Variants in ALDH1L2 observed in about 807,000 individuals in gnomAD.
The protein encoded by ALDH1L2 is aldehyde dehydrogenase 1 family member L2.
ALDH1L2 carries 91 observed loss-of-function variants against 111.0 expected under a neutral mutation model. The ratio of observed to expected loss-of-function variants is 0.82; its 90% CI spans 0.69 to 0.98. ALDH1L2 has a LOEUF of 0.98. Ranked by LOEUF, ALDH1L2 falls within the 50% of genes least tolerant of loss-of-function variation. The pLI, the probability that ALDH1L2 is intolerant of heterozygous loss-of-function variation, is 0.00. For synonymous variants in ALDH1L2, 374 were observed against 392.6 expected (o/e 0.95, Z 0.56); for missense variants, 995 against 1,126.8 (o/e 0.88, Z 1.67).
rs374436467 is a variant in ALDH1L2 at position 105,030,287 on chromosome 12, GT to G, written c.2516+36del. 8 of 1,563,974 alleles carry G rather than the reference GT, an allele frequency of 5.1e-6. No homozygotes were observed. The African/African-American group carries it at 1.1e-4, about 21-fold the overall frequency. ...GCAAAGGGGAAAAATGACTTATCTAGTCAAAACCTAAGTTACATTGTGTCTG... is the reference window on the plus strand; with the variant it reads ...GCAAAGGGGAAAAATGACTTATCTAGCAAAACCTAAGTTACATTGTGTCTG... On this transcript the variant is annotated intron_variant, in intron 21 of 22. Coordinates refer to ENST00000258494, the MANE Select transcript of ALDH1L2 (RefSeq NM_001034173.4).
intron 16 of ALDH1L2, among the ~76,000 whole-genome samples, chr12:105,040,142 A>AAC (rs1555224681): frequency 2.6e-5 from 4 of 151,350 alleles, no homozygotes; most frequent in African/African-American, 9.7e-5. Flanking sequence ...AAAAAAAAAA[A>AAC]AAAAAAAAAA....
chr12:105,049,815 ATC>A (rs1322157604), intron 13 of ALDH1L2, 91 bp downstream of exon 13: 2 of 1,398,352 alleles, frequency 1.4e-6, no homozygotes, highest in African/African-American at 2.9e-5. Flanking sequence ...GTGTAAAAAA[ATC>A]TACATAAAAA....
intron 21 of ALDH1L2, among the ~76,000 whole-genome samples, chr12:105,029,608 A>G (rs879729964): frequency 3.9e-5 from 6 of 152,210 alleles, no homozygotes; most frequent in Non-Finnish European, 5.9e-5. Flanking sequence ...TGGATATATC[A>G]AAGGTTACTC....
intron 19 of ALDH1L2, among the ~76,000 whole-genome samples, chr12:105,033,788 C>T (rs888270243): frequency 5.9e-5 from 9 of 151,982 alleles, no homozygotes; most frequent in African/African-American, 1.2e-4. Context: ...TCATGTCAAC[C>T]GCAATTGGGG....
intron 22 of ALDH1L2, 32 bp from the exon 23 acceptor site, chr12:105,024,511 A>C: frequency 6.2e-7 from 1 of 1,604,274 alleles, no homozygotes; most frequent in Non-Finnish European, 8.5e-7. Context: ...GACAGACCAC[A>C]TTCAGAGGCA....
At chr12:105,041,906 G>A (rs1875558318) in intron 15 of ALDH1L2, among the ~76,000 whole-genome samples, 1 of 152,108 alleles carries the variant, frequency 6.6e-6, no homozygotes, top group African/African-American at 2.4e-5. Flanking sequence ...GGCCCAACAA[G>A]ATATTTCAGA....
chr12:105,063,472 T>G (rs867891929), intron 6 of ALDH1L2, among the ~76,000 whole-genome samples: 1 of 126,194 alleles, frequency 7.9e-6, no homozygotes, highest in Non-Finnish European at 1.7e-5. Context: ...CCAGACTCTG[T>G]CTCAAAGAAA....
At position 105,051,206 on chromosome 12, in the gene ALDH1L2, C is replaced by T. The variant is rs544492550; in HGVS notation, c.1535+884G>A. Among the ~76,000 whole-genome samples the T allele has an allele frequency of 5.3e-5, 8 of 152,348 alleles. 1 individual carries two copies. Among genetic ancestry groups the T allele is most frequent in the Admixed American group, 4.6e-4 (7 of 15,302 alleles). On this transcript the variant is annotated intron_variant, in intron 12 of 22. Transcript: ENST00000258494. The stretch of plus-strand genomic sequence containing the variant: ...CTCTGTATCCATTCTCCACCCTGCT[C>T]TGTGACCTTGACCCTGGTGAATGAC...
chr12:105,066,722 G>A (rs1450318000), intron 4 of ALDH1L2, 53 bp from the exon 5 acceptor site: 19 of 1,498,294 alleles, frequency 1.3e-5, no homozygotes, highest in Middle Eastern at 1.7e-4. Flanking sequence ...CAATGGCATG[G>A]TCTATTTGAC....
Position 105,039,737 on chromosome 12 carries a change from G to T in ALDH1L2, c.2021C>A (p.Pro674His), listed in dbSNP as rs1412537107. Residue 674 changes from proline (P) to histidine (H), a missense_variant, in exon 17 of 23, where the codon CCT becomes CAT. Transcript: ENST00000258494. ...CCTCTTCATGATCTGTTTGCCAATAGGAGTGGATCCAGTGAAACCAAGTTT... is the reference window on the plus strand; with the variant it reads ...CCTCTTCATGATCTGTTTGCCAATATGAGTGGATCCAGTGAAACCAAGTTT... ...IRKLGFTGST[P>H]IGKQIMKSCA... The T allele has an allele frequency of 4.3e-6, 7 of 1,613,986 alleles. No homozygotes were observed. The highest frequency in any genetic ancestry group is 5.9e-6 in the Non-Finnish European group (7 of 1,179,906).
intron 15 of ALDH1L2, among the ~76,000 whole-genome samples, chr12:105,043,404 A>G (rs1388753083): frequency 6.6e-6 from 1 of 152,256 alleles, no homozygotes; most frequent in African/African-American, 2.4e-5. Flanking sequence ...TCCTCCTTCT[A>G]GTAACAGATC....
In ALDH1L2 at chr12:105,073,921, C is replaced by G; in HGVS notation, c.133G>C (p.Gly45Arg). 1.2e-6 allele frequency: 2 copies of G among 1,614,118 alleles called. No homozygotes were observed. The highest frequency in any genetic ancestry group is 2.2e-5 in the South Asian group (2 of 91,074). Residue 45 changes from glycine to arginine, a missense_variant, in exon 2 of 23, where the codon GGC (glycine) becomes CGC (arginine). Coordinates refer to ENST00000258494, the MANE Select transcript of ALDH1L2 (RefSeq NM_001034173.4). ...GTGAACACCCCTACTACTCGGTGGC[C>G]CTCTTTGCGGAGGTGGCTATAGACT... ...QEVYSHLRKE[G>R]HRVVGVFTVP...
chr12:105,034,579 G>A (rs1383275681), intron 18 of ALDH1L2, among the ~76,000 whole-genome samples, 181 bp from the exon 19 acceptor site: 2 of 152,146 alleles, frequency 1.3e-5, no homozygotes, highest in East Asian at 1.9e-4. Context: ...TTTTGATTTA[G>A]CATGATTTGA....
intron 2 of ALDH1L2, 144 bp downstream of exon 2, chr12:105,073,717 T>C: frequency 8.4e-7 from 1 of 1,192,080 alleles, no homozygotes; most frequent in Non-Finnish European, 1.2e-6. Context: ...AGCTTTTCCC[T>C]GATTCCCACT....
chr12:105,065,003 A>T (rs1327837854), intron 6 of ALDH1L2, among the ~76,000 whole-genome samples: 1 of 152,140 alleles, frequency 6.6e-6, no homozygotes, highest in Non-Finnish European at 1.5e-5. Context: ...CTCAGCCTCC[A>T]TGATAGCGTT....
At chr12:105,057,613 C>T (rs762894108) in intron 10 of ALDH1L2, among the ~76,000 whole-genome samples, 1 of 151,998 alleles carries the variant, frequency 6.6e-6, no homozygotes, top group African/African-American at 2.4e-5. Flanking sequence ...CATGGATGAA[C>T]GTTGGACACA....
At chr12:105,034,456 A>G (rs1874871216) in intron 18 of ALDH1L2, 58 bp from the exon 19 acceptor site, 2 of 1,485,424 alleles carry the variant, frequency 1.3e-6, no homozygotes, top group Non-Finnish European at 1.9e-6. Context: ...AGATTCTCAT[A>G]AAGTTGTACA....
intron 7 of ALDH1L2, 67 bp downstream of exon 7, chr12:105,062,821 C>A: frequency 6.5e-7 from 1 of 1,545,920 alleles, no homozygotes; most frequent in East Asian, 2.3e-5. Context: ...AAGCTATTCC[C>A]TTAATAGCTT....
chr12:105,063,558 G>A (rs1326320199), intron 6 of ALDH1L2, among the ~76,000 whole-genome samples: 1 of 150,706 alleles, frequency 6.6e-6, no homozygotes. Flanking sequence ...AGTCCAAAAT[G>A]CCCCACATCC....
Sources: gnomAD v4.1 joint callset for allele counts (sites outside exome capture counted in the v4.1 genomes callset) on GRCh38, gnomAD v4.1.1 for gene constraint, MANE v1.5 for transcripts, NCBI Gene and HGNC (gene_info 2026-07-23, HGNC 2026-07-21) for gene names.